Variants in HSD17B4 observed in about 807,000 individuals in gnomAD.
HSD17B4 encodes the protein hydroxysteroid 17-beta dehydrogenase 4.
Under a neutral mutation model 101.0 loss-of-function variants are expected in HSD17B4, and 70 were observed. That is an observed-to-expected ratio of 0.69 (90% CI 0.57 to 0.85). The LOEUF (loss-of-function observed/expected upper bound fraction) is 0.85. Among genes scored for constraint, HSD17B4 ranks in the 40% least tolerant of loss-of-function variants. The pLI is 0.00. For missense variants in HSD17B4, 984 were observed against 892.4 expected (o/e 1.10, Z -1.31); for synonymous variants, 347 against 297.1 (o/e 1.17, Z -1.73).
intron 6 of HSD17B4, among the ~76,000 whole-genome samples, chr5:119,476,258 T>A (rs1218544610): frequency 2.0e-5 from 3 of 152,166 alleles, no homozygotes; most frequent in African/African-American, 7.2e-5. Flanking sequence ...GGGAGTCTAG[T>A]GCACTAAAAA....
chr5:119,498,475 T>A (rs148721407), intron 12 of HSD17B4, among the ~76,000 whole-genome samples: 1 of 152,244 alleles, frequency 6.6e-6, no homozygotes, highest in Admixed American at 6.5e-5. Flanking sequence ...TTCTTTTATA[T>A]GTACTTCACT....
At chr5:119,514,882 T>C in intron 16 of HSD17B4, 99 bp from the exon 17 acceptor site, 2 of 779,242 alleles carry the variant, frequency 2.6e-6, no homozygotes, top group Non-Finnish European at 4.7e-6. Flanking sequence ...TTGCAGAGTT[T>C]ATTGTATTGA....
Position 119,496,451 on chromosome 5 carries a change from G to A in HSD17B4, c.869-92G>A. ...AGGCTCTGTAGCAGGTTTGCTGAAT[G>A]TTATAGGAATAATTATGTAGCATAT... On this transcript the variant is annotated intron_variant, in intron 11 of 23. Coordinates refer to ENST00000510025, the MANE Select transcript of HSD17B4 (RefSeq NM_000414.4). 2.2e-5 allele frequency: 17 copies of A among 782,894 alleles called. No individual in the cohort carries two copies. In the South Asian group the frequency reaches 2.4e-4, roughly 11 times the overall value. The allele number at this position is 782,894 out of a possible 1,614,324, so 48.5% of individuals were successfully genotyped here. A position where few individuals can be genotyped will look rare whatever the true frequency, so the allele number is the denominator to read the frequency against.
At chr5:119,471,736 G>T in intron 2 of HSD17B4, 1 of 1,100,656 alleles carries the variant, frequency 9.1e-7, no homozygotes, top group South Asian at 1.5e-5. Context: ...CAAGTTATTT[G>T]GCATTTATCT....
chr5:119,502,780 C>G (rs57596278), intron 14 of HSD17B4, among the ~76,000 whole-genome samples: 1 of 151,976 alleles, frequency 6.6e-6, no homozygotes, highest in Non-Finnish European at 1.5e-5. Flanking sequence ...TTTTCTTAAA[C>G]CTTTTTATTT....
At position 119,489,221 on chromosome 5, in the gene HSD17B4, G is replaced by T. The variant is rs1749878115; in HGVS notation, c.652G>T (p.Val218Leu). 1.9e-6 allele frequency: 3 copies of T among 1,612,330 alleles called. No homozygotes were observed. Among genetic ancestry groups the T allele is most frequent in the Non-Finnish European group, 2.5e-6 (3 of 1,178,638 alleles). The change falls in exon 9 of 24, where the codon GTG (valine) becomes TTG (leucine). Residue 218 changes from valine to leucine, a missense_variant. Transcript: ENST00000510025. The part of the protein sequence containing the change: ...DLVEALKPEY[V>L]APLVLWLCHE... ...TGTGGAAGCCCTGAAGCCAGAGTAT[G>T]TGGCACCTCTTGTCCTTTGGCTTTG...
At chr5:119,462,861 A>G (rs1755403227) in intron 2 of HSD17B4, among the ~76,000 whole-genome samples, 1 of 152,186 alleles carries the variant, frequency 6.6e-6, no homozygotes, top group African/African-American at 2.4e-5. Context: ...GGGAACATTC[A>G]AAATCCTCTC....
intron 12 of HSD17B4, among the ~76,000 whole-genome samples, chr5:119,497,847 T>C (rs3797362): frequency 0.047 from 7,177 of 152,306 alleles, 604 homozygotes; most frequent in East Asian, 0.42. Context: ...TTTCTGTATC[T>C]AACTGTATGA....
intron 17 of HSD17B4, among the ~76,000 whole-genome samples, chr5:119,517,574 C>G (rs1430840743): frequency 6.6e-6 from 1 of 152,256 alleles, no homozygotes; most frequent in Admixed American, 6.5e-5. Flanking sequence ...GCTCCTGAGT[C>G]TGGTGGGGAC....
intron 2 of HSD17B4, among the ~76,000 whole-genome samples, chr5:119,463,603 A>C (rs1336525569): frequency 8.2e-6 from 1 of 121,826 alleles, no homozygotes; most frequent in Non-Finnish European, 1.7e-5. Flanking sequence ...CATTTTCCTC[A>C]TGATTAGTGA....
At chr5:119,490,756 A>G (rs748518050) in intron 9 of HSD17B4, among the ~76,000 whole-genome samples, 11 of 151,970 alleles carry the variant, frequency 7.2e-5, no homozygotes, top group Non-Finnish European at 1.5e-4. Flanking sequence ...TTTAGTAGAG[A>G]TGGGTTTCAC....
At position 119,489,230 on chromosome 5, in the gene HSD17B4, C is replaced by G. The variant is rs1554064092; in HGVS notation, c.661C>G (p.Leu221Val). Residue 221 changes from leucine (L) to valine (V), a missense_variant, in exon 9 of 24, where the codon CTT becomes GTT. By Grantham distance (32) the Leu-to-Val change is conservative. Transcript: ENST00000510025. ...CCTGAAGCCAGAGTATGTGGCACCT[C>G]TTGTCCTTTGGCTTTGTCACGAGAG... ...EALKPEYVAPLVLWLCHESCE... is the reference protein window; with the variant it reads ...EALKPEYVAPVVLWLCHESCE... 1 of 1,612,764 alleles carries G rather than the reference C, an allele frequency of 6.2e-7. No homozygotes were observed. The highest frequency in any genetic ancestry group is 8.5e-7 in the Non-Finnish European group (1 of 1,179,038).
At position 119,531,421 on chromosome 5, in the gene HSD17B4, A is replaced by G. The variant is rs752047766; in HGVS notation, c.1993+17A>G. 5.6e-6 allele frequency: 9 copies of G among 1,603,502 alleles called. No individual in the cohort carries two copies. The highest frequency in any genetic ancestry group is 7.7e-6 in the Non-Finnish European group (9 of 1,170,696). On this transcript the variant is annotated intron_variant, in intron 22 of 23. Transcript: ENST00000510025. ...CTAAGTGGAGTAAGTTATAGCCCTG[A>G]TTTTATAATATTCTAAGGTAATTCT...
chr5:119,498,239 A>G (rs1011123762), intron 12 of HSD17B4, among the ~76,000 whole-genome samples: 1 of 152,246 alleles, frequency 6.6e-6, no homozygotes, highest in Non-Finnish European at 1.5e-5. Flanking sequence ...GAATGTGGTC[A>G]GTATAGAAAT....
intron 12 of HSD17B4, among the ~76,000 whole-genome samples, chr5:119,498,216 AT>A (rs1750824391): frequency 6.6e-6 from 1 of 152,194 alleles, no homozygotes; most frequent in African/African-American, 2.4e-5. Flanking sequence ...TAAAATTCTA[AT>A]TTTAAGCCTG....
rs1015562598 is a variant in HSD17B4 at position 119,471,350 on chromosome 5, C to A, written c.113-2558C>A. 3.3e-5 allele frequency among the ~76,000 whole-genome samples: 5 copies of A among 150,812 alleles called. No homozygotes were observed. The East Asian group carries it at 5.8e-4, about 18-fold the overall frequency. The stretch of plus-strand genomic sequence containing the variant: ...AGTAAGACTTATCATATTATACTAT[C>A]AAAAAAAAATCTCAGTCCACATTTT... On this transcript the variant is annotated intron_variant, in intron 2 of 23. Coordinates refer to ENST00000510025, the MANE Select transcript of HSD17B4 (RefSeq NM_000414.4).
chr5:119,539,130 C>T (rs750937068), intron 23 of HSD17B4, among the ~76,000 whole-genome samples: 2 of 152,132 alleles, frequency 1.3e-5, no homozygotes, highest in Non-Finnish European at 2.9e-5. Flanking sequence ...AATGATGATA[C>T]AGAGTATCAT....
At position 119,477,431 on chromosome 5, in the gene HSD17B4, G is replaced by C; in HGVS notation, c.364G>C (p.Val122Leu). ...SDEDWDIIHR[V>L]HLRGSFQVTR... ...TATTGTTTTAGATATAATCCACAGA[G>C]TTCATTTGCGGGGTTCATTCCAAGT... The change falls in exon 7 of 24, where the codon GTT (valine) becomes CTT (leucine). Residue 122 changes from valine to leucine, a missense_variant. Physicochemically the swap from Val to Leu is conservative, Grantham distance 32. Coordinates refer to ENST00000510025, the MANE Select transcript of HSD17B4 (RefSeq NM_000414.4). The C allele has an allele frequency of 6.2e-7, 1 of 1,608,778 alleles. No individual in the cohort carries two copies. Among genetic ancestry groups the C allele is most frequent in the Non-Finnish European group, 8.5e-7 (1 of 1,175,324 alleles).
intron 22 of HSD17B4, among the ~76,000 whole-genome samples, chr5:119,534,754 G>C (rs1478469598): frequency 6.6e-6 from 1 of 152,038 alleles, no homozygotes; most frequent in South Asian, 2.1e-4. Context: ...AGTTAGGAAT[G>C]GGGGCCTGTT....
Sources: allele counts gnomAD v4.1 joint callset (sites outside exome capture counted in the v4.1 genomes callset), GRCh38; gene constraint gnomAD v4.1.1; transcripts MANE v1.5; gene names NCBI Gene and HGNC (gene_info 2026-07-23, HGNC 2026-07-21).